Variants in ZNF324B observed in about 807,000 individuals in gnomAD.
ZNF324B encodes zinc finger protein 324B.
A neutral mutation model predicts 10.6 loss-of-function variants in ZNF324B; 7 were observed. That is an observed-to-expected ratio of 0.66 (90% CI 0.38 to 1.24). The LOEUF (loss-of-function observed/expected upper bound fraction) is 1.24, where lower values mean the gene tolerates loss of function less well. ZNF324B is among the 50% of genes most tolerant of loss of function. ZNF324B has a pLI of 0.02. For missense variants in ZNF324B, 640 were observed against 764.7 expected (o/e 0.84, Z 1.92); for synonymous variants, 316 against 321.0 (o/e 0.98, Z 0.17).
the ZNF324B span, chr19:58,442,758 A>C: frequency 1.1e-4 from 17 of 151,070 alleles, no homozygotes; most frequent in East Asian, 1.6e-3. Flanking sequence ...TGTTCCTCCC[A>C]GTGGGTTTGT....
chr19:58,439,678 CCAA>C, the ZNF324B span: 1 of 1,417,640 alleles, frequency 7.1e-7, no homozygotes, highest in Non-Finnish European at 9.4e-7. Flanking sequence ...TCCCAGGACA[CCAA>C]CATCCCCTCT....
At chr19:58,431,254 G>C in the ZNF324B span, 1 of 152,240 alleles carries the variant, frequency 6.6e-6, no homozygotes, top group African/African-American at 2.4e-5. Context: ...GCAGGGCAAG[G>C]GTGCCATGGT....
Position 58,456,985 on chromosome 19 carries a change from C to T in ZNF324B, c.*406C>T, listed in dbSNP as rs1019925539. The T allele has an allele frequency of 3.5e-5, 8 of 228,846 alleles. No homozygotes were observed. The highest frequency in any genetic ancestry group is 9.6e-5 in the East Asian group (1 of 10,372). 14.2% of individuals were successfully genotyped at this position (228,846 alleles called of 1,614,324 possible). A position where few individuals can be genotyped will look rare whatever the true frequency, so the allele number is the denominator to read the frequency against. On this transcript the variant is annotated 3_prime_UTR_variant, in exon 4 of 4. Coordinates refer to ENST00000336614, the MANE Select transcript of ZNF324B (RefSeq NM_207395.3). This position sits in a 1 kb window ranked among gnomAD's most constrained non-coding sequence, Gnocchi z 4.7. ...CCTAGAGAAACTTATGATGTCTGCA[C>T]ACAAACTGGCCGCTAGACGGACGCT... is the stretch of plus-strand genomic sequence containing the variant.
the ZNF324B span, chr19:58,435,085 C>G: frequency 1.2e-6 from 2 of 1,614,096 alleles, no homozygotes; most frequent in South Asian, 1.1e-5. Context: ...CAAGAATGGC[C>G]CACACATGTC....
chr19:58,442,216 C>T, the ZNF324B span: 2 of 139,144 alleles, frequency 1.4e-5, no homozygotes, highest in Non-Finnish European at 3.0e-5. Flanking sequence ...GGCCGGACTG[C>T]GGACTGCAGT....
chr19:58,446,469 G>A, the ZNF324B span, among the ~76,000 whole-genome samples: 5 of 152,042 alleles, frequency 3.3e-5, no homozygotes, highest in East Asian at 9.6e-4. Flanking sequence ...AGGGATGGTA[G>A]GGGCCTTGCA....
chr19:58,433,757 T>A, the ZNF324B span: 2 of 1,614,094 alleles, frequency 1.2e-6, no homozygotes, highest in Non-Finnish European at 1.7e-6. Flanking sequence ...GTGTGAACTC[T>A]CCAGTGTTCA....
chr19:58,443,751 T>C, the ZNF324B span: 2 of 152,270 alleles, frequency 1.3e-5, no homozygotes, highest in Admixed American at 6.5e-5. Context: ...TGAGTCCCAG[T>C]GGGCACTGAC....
chr19:58,453,927 G>A (rs1599980936), intron 2 of ZNF324B, 105 bp downstream of exon 2: 48 of 1,489,846 alleles, frequency 3.2e-5, no homozygotes, highest in East Asian at 3.1e-4. Flanking sequence ...CCAGGGCCAC[G>A]TGGAACAAGG....
chr19:58,433,910 G>A, the ZNF324B span: 2 of 1,613,852 alleles, frequency 1.2e-6, no homozygotes, highest in Admixed American at 3.3e-5. Flanking sequence ...TAAGGCCTTT[G>A]CCCAGTATGT....
Position 58,455,162 on chromosome 19 carries a change from C to T in ZNF324B, c.239-21C>T. On this transcript the variant is annotated intron_variant, in intron 3 of 3. Coordinates refer to ENST00000336614, the MANE Select transcript of ZNF324B (RefSeq NM_207395.3). The surrounding 1 kb of genome is among the most constrained non-coding windows in gnomAD (Gnocchi z 7.0). ...CTCCTAACCAGGATGCCCCAGGCAACCACCGTTTCTCTGCGTTTAGGTTCC... is the reference window on the plus strand; with the variant it reads ...CTCCTAACCAGGATGCCCCAGGCAATCACCGTTTCTCTGCGTTTAGGTTCC... The T allele has an allele frequency of 2.5e-6, 4 of 1,613,994 alleles. No individual in the cohort carries two copies. Among genetic ancestry groups the T allele is most frequent in the Non-Finnish European group, 3.4e-6 (4 of 1,180,042 alleles).
the ZNF324B span, chr19:58,432,955 T>C: frequency 5.9e-6 from 1 of 168,572 alleles, no homozygotes; most frequent in Non-Finnish European, 1.2e-5. Flanking sequence ...AATGTGCATC[T>C]TCCTGAGCTC....
chr19:58,434,694 A>C, the ZNF324B span: 6 of 1,614,042 alleles, frequency 3.7e-6, no homozygotes, highest in African/African-American at 1.3e-5. Context: ...GGTTGGGGAG[A>C]GTGGAGCTCT....
chr19:58,422,372 C>A, the ZNF324B span, among the ~76,000 whole-genome samples: 1 of 152,140 alleles, frequency 6.6e-6, no homozygotes, highest in African/African-American at 2.4e-5. Context: ...CAAAGATGCC[C>A]ACTTTCACCA....
chr19:58,434,677 C>G, the ZNF324B span: 1 of 1,614,192 alleles, frequency 6.2e-7, no homozygotes, highest in Non-Finnish European at 8.5e-7. Context: ...AGAGTGAGTT[C>G]TCAGATGGTT....
At chr19:58,433,352 G>A in the ZNF324B span, 3 of 1,614,142 alleles carry the variant, frequency 1.9e-6, no homozygotes, top group African/African-American at 1.3e-5. Context: ...TGCTGTGCAA[G>A]GTTACAAAGA....
At position 58,457,566 on chromosome 19, in the gene ZNF324B, T is replaced by C. The variant is rs1414861011; in HGVS notation, c.*987T>C. The C allele has an allele frequency of 8.2e-6, 1 of 122,538 alleles. No homozygotes were observed. Among genetic ancestry groups the C allele is most frequent in the African/African-American group, 3.2e-5 (1 of 31,656 alleles). The allele number at this position is 122,538 out of a possible 1,614,324, so 7.6% of individuals were successfully genotyped here. A position where few individuals can be genotyped will look rare whatever the true frequency, so the allele number is the denominator to read the frequency against. ...CCTTTCCCTTGTTATGCCTCCTCAA[T>C]TGGAGGCTGGACAGAGAGCTGAATA... On this transcript the variant is annotated 3_prime_UTR_variant, in exon 4 of 4. Coordinates refer to ENST00000336614, the MANE Select transcript of ZNF324B (RefSeq NM_207395.3).
At chr19:58,438,659 G>C in the ZNF324B span, among the ~76,000 whole-genome samples, 2 of 152,106 alleles carry the variant, frequency 1.3e-5, no homozygotes, top group South Asian at 4.2e-4. Context: ...ATTTTTAGTA[G>C]AGATGGGGTT....
the ZNF324B span, chr19:58,441,169 G>T: frequency 2.0e-5 from 3 of 152,274 alleles, no homozygotes; most frequent in African/African-American, 7.2e-5. Flanking sequence ...TGCCTCTCCT[G>T]GCACACCGAG....
Sources: allele counts gnomAD v4.1 joint callset (sites outside exome capture counted in the v4.1 genomes callset), GRCh38; gene constraint gnomAD v4.1.1; non-coding constraint Gnocchi (gnomAD v3.1); transcripts MANE v1.5; gene names NCBI Gene and HGNC (gene_info 2026-07-23, HGNC 2026-07-21).